ROR2: variants seen among roughly 807,000 people sequenced by gnomAD.
ROR2 encodes the protein tyrosine-protein kinase transmembrane receptor ROR2.
ROR2 carries 33 observed loss-of-function variants against 74.9 expected under a neutral mutation model. The ratio of observed to expected loss-of-function variants is 0.44; its 90% CI spans 0.33 to 0.59. ROR2 has a LOEUF of 0.59. ROR2 is among the 20% of genes least tolerant of loss of function. The pLI is 0.02. For missense variants in ROR2, 1,216 were observed against 1,313.8 expected (o/e 0.93, Z 1.15); for synonymous variants, 586 against 558.7 (o/e 1.05, Z -0.69).
intron 1 of ROR2, among the ~76,000 whole-genome samples, chr9:91,836,608 T>C (rs1458781325): frequency 1.3e-5 from 2 of 150,886 alleles, no homozygotes; most frequent in Non-Finnish European, 2.9e-5. Flanking sequence ...AGCCCAGGTC[T>C]CCTCTGTCCT....
At chr9:91,826,853 A>G (rs12551140) in intron 1 of ROR2, among the ~76,000 whole-genome samples, 61,945 of 151,682 alleles carry the variant, frequency 0.41, 14,718 homozygotes, top group African/African-American at 0.64. Flanking sequence ...TACTGCATCC[A>G]GTAACATTTT....
At chr9:91,918,371 T>C (rs1831190045) in intron 1 of ROR2, among the ~76,000 whole-genome samples, 1 of 152,136 alleles carries the variant, frequency 6.6e-6, no homozygotes. Flanking sequence ...AGGCTCCCTA[T>C]AAAGTCCCTT....
chr9:91,856,303 T>G (rs1829284497), intron 1 of ROR2, among the ~76,000 whole-genome samples: 1 of 152,224 alleles, frequency 6.6e-6, no homozygotes, highest in South Asian at 2.1e-4. Flanking sequence ...TTCAGTGAGC[T>G]GTGGTTGCAC....
intron 1 of ROR2, among the ~76,000 whole-genome samples, chr9:91,920,675 G>A (rs564092965): frequency 1.3e-5 from 2 of 152,240 alleles, no homozygotes; most frequent in South Asian, 2.1e-4. Context: ...GGAGCATATC[G>A]ACAAAGCAAA....
chr9:91,888,360 T>A (rs893110343), intron 1 of ROR2, among the ~76,000 whole-genome samples: 1 of 152,266 alleles, frequency 6.6e-6, no homozygotes, highest in East Asian at 1.9e-4. Context: ...CACTGCTCAA[T>A]GGGAAGCAAA....
intron 1 of ROR2, among the ~76,000 whole-genome samples, chr9:91,798,909 G>A (rs936975085): frequency 2.0e-5 from 3 of 152,104 alleles, no homozygotes; most frequent in South Asian, 4.1e-4. Context: ...GATACACCAC[G>A]CAGCAGAGAC....
At chr9:91,909,020 A>G (rs1830886384) in intron 1 of ROR2, among the ~76,000 whole-genome samples, 1 of 152,190 alleles carries the variant, frequency 6.6e-6, no homozygotes, top group African/African-American at 2.4e-5. Context: ...AATGACCCCA[A>G]ACCTCTTTAA....
chr9:91,723,605 G>A lies in ROR2; in HGVS notation c.*57C>T. On this transcript the variant is annotated 3_prime_UTR_variant, in exon 9 of 9. Transcript: ENST00000375708. ...ATGGTGTCTTCTCAAAGGTGACTGA[G>A]GTCCCTGTGGGGTCTCGGCGGGGCT... 6.3e-7 allele frequency: 1 copy of A among 1,598,352 alleles called. No individual in the cohort carries two copies. The highest frequency in any genetic ancestry group is 8.5e-7 in the Non-Finnish European group (1 of 1,174,408).
At chr9:91,726,974 A>G (rs891238868) in intron 7 of ROR2, among the ~76,000 whole-genome samples, 1 of 152,206 alleles carries the variant, frequency 6.6e-6, no homozygotes, top group Non-Finnish European at 1.5e-5. Flanking sequence ...CCCAACCTGG[A>G]AACAAGCGGG....
At chr9:91,935,555 G>T (rs968017211) in intron 1 of ROR2, among the ~76,000 whole-genome samples, 3 of 152,190 alleles carry the variant, frequency 2.0e-5, no homozygotes, top group South Asian at 4.1e-4. Context: ...AATTCCAGCC[G>T]CCATGAGGAT....
chr9:91,722,994 C>A lies in ROR2; in HGVS notation c.*668G>T. On this transcript the variant is annotated 3_prime_UTR_variant, in exon 9 of 9. Transcript: ENST00000375708. The stretch of plus-strand genomic sequence containing the variant: ...TCCCAAAAAAAGTGGGCAAAATACA[C>A]ATGGAGTATAATTAAAACCATTTCA... The A allele has an allele frequency of 5.3e-6, 1 of 187,642 alleles. No homozygotes were observed. Among genetic ancestry groups the A allele is most frequent in the Non-Finnish European group, 1.1e-5 (1 of 88,812 alleles). 11.6% of individuals were successfully genotyped at this position (187,642 alleles called of 1,614,324 possible).
intron 2 of ROR2, among the ~76,000 whole-genome samples, chr9:91,758,016 T>C (rs907735681): frequency 1.3e-5 from 2 of 152,152 alleles, no homozygotes; most frequent in African/African-American, 4.8e-5. Context: ...ACTTCAGTGC[T>C]GTGCCTGGGG....
chr9:91,948,573 A>G, intron 1 of ROR2: 1 of 984,878 alleles, frequency 1.0e-6, no homozygotes, highest in Non-Finnish European at 1.2e-6. Context: ...ACCCCCCCCC[A>G]GGAAAGACTG....
At chr9:91,943,173 C>T (rs1831924164) in intron 1 of ROR2, among the ~76,000 whole-genome samples, 1 of 152,154 alleles carries the variant, frequency 6.6e-6, no homozygotes, top group Non-Finnish European at 1.5e-5. Flanking sequence ...CGTTCTAACA[C>T]AAGAACACGT....
chr9:91,798,995 C>T (rs1006892394), intron 1 of ROR2, among the ~76,000 whole-genome samples: 9 of 152,122 alleles, frequency 5.9e-5, no homozygotes, highest in African/African-American at 2.2e-4. Flanking sequence ...TAAGAATTTC[C>T]ACACAGAAAC....
intron 1 of ROR2, among the ~76,000 whole-genome samples, chr9:91,907,243 C>T (rs551621065): frequency 3.9e-5 from 6 of 152,206 alleles, no homozygotes; most frequent in African/African-American, 1.4e-4. Flanking sequence ...TATAATTTTT[C>T]CCCCTGTACA....
Position 91,839,275 on chromosome 9 carries a change from T to TGTGTGTGTGTGTGTGTGTAAGTACAGGC in ROR2, c.98-63458_98-63457insGCCTGTACTTACACACACACACACACAC, listed in dbSNP as rs1554681704. On this transcript the variant is annotated intron_variant, in intron 1 of 8. Coordinates refer to ENST00000375708, the MANE Select transcript of ROR2 (RefSeq NM_004560.4). ...GGGTGTGTGTGTGTGTGTGTGTGTG[T>TGTGTGTGTGTGTGTGTGTAAGTACAGGC]GTGTGTGTGTGTGTGTGTGTAAGTA... Among the ~76,000 whole-genome samples the TGTGTGTGTGTGTGTGTGTAAGTACAGGC allele has an allele frequency of 4.8e-3, 705 of 145,820 alleles. 3 individuals are homozygous for TGTGTGTGTGTGTGTGTGTAAGTACAGGC. Among genetic ancestry groups the TGTGTGTGTGTGTGTGTGTAAGTACAGGC allele is most frequent in the Middle Eastern group, 0.011 (3 of 282 alleles).
chr9:91,864,934 A>T (rs1490480871), intron 1 of ROR2, among the ~76,000 whole-genome samples: 1 of 152,200 alleles, frequency 6.6e-6, no homozygotes, highest in Non-Finnish European at 1.5e-5. Flanking sequence ...GTGCTGTCAC[A>T]TCACTTTAGC....
intron 1 of ROR2, among the ~76,000 whole-genome samples, chr9:91,859,009 G>A (rs189323276): frequency 0.013 from 1,910 of 152,196 alleles, 43 homozygotes; most frequent in African/African-American, 0.043. Flanking sequence ...AAGGAGGGAT[G>A]AAGAACAAAT....
Sources: allele counts gnomAD v4.1 joint callset (sites outside exome capture counted in the v4.1 genomes callset), GRCh38; gene constraint gnomAD v4.1.1; transcripts MANE v1.5; gene names NCBI Gene and HGNC (gene_info 2026-07-23, HGNC 2026-07-21).